Variants in RASSF9 observed in about 807,000 individuals in gnomAD.
The protein encoded by RASSF9 is Ras association domain family member 9, also known as ras association domain-containing protein 9.
Under a neutral mutation model 21.4 loss-of-function variants are expected in RASSF9, and 18 were observed. The ratio of observed to expected loss-of-function variants is 0.84; its 90% CI spans 0.58 to 1.25. RASSF9 has a LOEUF of 1.25. Among genes scored for constraint, RASSF9 ranks in the 50% most tolerant of loss-of-function variants. The pLI, the probability that RASSF9 is intolerant of heterozygous loss-of-function variation, is 0.00. For missense variants in RASSF9, 480 were observed against 503.2 expected (o/e 0.95, Z 0.44); for synonymous variants, 183 against 179.1 (o/e 1.02, Z -0.18).
At chr12:85,810,898 ATTG>A (rs1357540012) in intron 1 of RASSF9, among the ~76,000 whole-genome samples, 1 of 140,260 alleles carries the variant, frequency 7.1e-6, no homozygotes, top group East Asian at 1.9e-4. Context: ...CATGTGTAAA[ATTG>A]TTATTTGTTC....
At position 85,801,575 on chromosome 12, in the gene RASSF9, G is replaced by A. The variant is rs1879701180; in HGVS notation, c.*3127C>T. ...CGCCTGTAATCCCAGCACTTTGGGA[G>A]GCCAAGACGGGTGGATCACAAGGTC... On this transcript the variant is annotated 3_prime_UTR_variant, in exon 2 of 2. Transcript: ENST00000361228. The A allele has an allele frequency of 6.6e-6, 1 of 152,358 alleles. No homozygotes were observed. Among genetic ancestry groups the A allele is most frequent in the Non-Finnish European group, 1.5e-5 (1 of 68,160 alleles). The allele number at this position is 152,358 out of a possible 1,614,324, so 9.4% of individuals were successfully genotyped here.
chr12:85,813,883 A>AT (rs879842179), intron 1 of RASSF9, among the ~76,000 whole-genome samples: 2 of 152,048 alleles, frequency 1.3e-5, no homozygotes, highest in Non-Finnish European at 2.9e-5. Context: ...CTCTGAATGT[A>AT]TTTTTCCATA....
chr12:85,832,461 C>G (rs1324912774), intron 1 of RASSF9, among the ~76,000 whole-genome samples: 2 of 151,774 alleles, frequency 1.3e-5, no homozygotes, highest in Non-Finnish European at 3.0e-5. Flanking sequence ...GCTATTTAGA[C>G]ACATTAACAT....
intron 1 of RASSF9, among the ~76,000 whole-genome samples, chr12:85,835,271 C>A (rs897247869): frequency 2.0e-5 from 3 of 151,858 alleles, no homozygotes; most frequent in African/African-American, 7.3e-5. Context: ...ATCCCCTATG[C>A]CAAAATAAAT....
chr12:85,827,937 A>G (rs1880367014), intron 1 of RASSF9, among the ~76,000 whole-genome samples: 1 of 152,226 alleles, frequency 6.6e-6, no homozygotes, highest in Admixed American at 6.5e-5. Flanking sequence ...AACCTTGATT[A>G]TCTTTCTCAT....
chr12:85,805,307 A>G lies in RASSF9; in HGVS notation c.703T>C (p.Tyr235His), dbSNP rs770369089. 3 of 1,613,592 alleles carry G rather than the reference A, an allele frequency of 1.9e-6. No individual in the cohort carries two copies. The East Asian group carries it at 6.7e-5, about 36-fold the overall frequency. Residue 235 changes from tyrosine to histidine, a missense_variant, in exon 2 of 2, where the codon TAT (tyrosine) becomes CAT (histidine). Tyr to His is a moderately conservative substitution (Grantham distance 83). Transcript: ENST00000361228. ...NDGENYVQDA[Y>H]LMPSFSEVEQ... ...ACTTCACTGAAACTGGGCATTAAAT[A>G]TGCATCCTGAACATAGTTTTCTCCA... is the stretch of plus-strand genomic sequence containing the variant.
chr12:85,809,151 T>G (rs1453188342), intron 1 of RASSF9, among the ~76,000 whole-genome samples: 2 of 151,976 alleles, frequency 1.3e-5, no homozygotes, highest in Non-Finnish European at 2.9e-5. Flanking sequence ...ACACAGTGAG[T>G]GGTACAATGA....
chr12:85,804,699 G>A lies in RASSF9; in HGVS notation c.*3C>T, dbSNP rs372746320. 288 of 1,578,722 alleles carry A rather than the reference G, an allele frequency of 1.8e-4. No individual in the cohort carries two copies. The highest frequency in any genetic ancestry group is 2.4e-4 in the Non-Finnish European group (272 of 1,157,444). ...AAAGCAGGTCAGAAAGGAGCCATTG[G>A]AACTATGTTGACAACAGCACCACAT... On this transcript the variant is annotated 3_prime_UTR_variant, in exon 2 of 2. Transcript: ENST00000361228.
rs1565752680 is a variant in RASSF9, at chr12:85,810,803, C to G, written c.48-4841G>C. Among the ~76,000 whole-genome samples, 2 of 151,866 alleles carry G rather than the reference C, an allele frequency of 1.3e-5. 1 individual carries two copies. Among genetic ancestry groups the G allele is most frequent in the African/African-American group, 4.8e-5 (2 of 41,396 alleles). ...ATACCATGTAACAAACAGTTCTTAA[C>G]TAATGGATTCAAATCTAGTAGTTGA... On this transcript the variant is annotated intron_variant, in intron 1 of 1. Coordinates refer to ENST00000361228, the MANE Select transcript of RASSF9 (RefSeq NM_005447.4).
At chr12:85,828,799 A>G (rs1278871326) in intron 1 of RASSF9, among the ~76,000 whole-genome samples, 1 of 152,164 alleles carries the variant, frequency 6.6e-6, no homozygotes, top group African/African-American at 2.4e-5. Flanking sequence ...CACTATTAAC[A>G]AAGATGAAAC....
At position 85,804,520 on chromosome 12, in the gene RASSF9, G is replaced by A; in HGVS notation, c.*182C>T. The A allele has an allele frequency of 1.8e-6, 1 of 557,206 alleles. No individual in the cohort carries two copies. The allele number at this position is 557,206 out of a possible 1,614,324, so 34.5% of individuals were successfully genotyped here. A position where few individuals can be genotyped will look rare whatever the true frequency, so the allele number is the denominator to read the frequency against. On this transcript the variant is annotated 3_prime_UTR_variant, in exon 2 of 2. Coordinates refer to ENST00000361228, the MANE Select transcript of RASSF9 (RefSeq NM_005447.4). ...GATAAATAGTTCATTGCTTGAACTTGCAATAATTAAAGTTCCTTTGGAAAT... is the reference window on the plus strand; with the variant it reads ...GATAAATAGTTCATTGCTTGAACTTACAATAATTAAAGTTCCTTTGGAAAT...
intron 1 of RASSF9, among the ~76,000 whole-genome samples, chr12:85,831,607 G>T: frequency 6.6e-6 from 1 of 151,844 alleles, no homozygotes; most frequent in Non-Finnish European, 1.5e-5. Flanking sequence ...TCACTTTCAG[G>T]AACTCCTGAG....
At chr12:85,818,956 CAAAAAAA>C (rs60760019) in intron 1 of RASSF9, among the ~76,000 whole-genome samples, 1,060 of 66,604 alleles carry the variant, frequency 0.016, 14 homozygotes, top group African/African-American at 0.059. Context: ...GAGACTCCGT[CAAAAAAA>C]AAAAAAAAAA....
At position 85,804,504 on chromosome 12, in the gene RASSF9, T is replaced by C; in HGVS notation, c.*198A>G. The stretch of plus-strand genomic sequence containing the variant: ...TTTGTGCTGCATTCGTGATAAATAG[T>C]TCATTGCTTGAACTTGCAATAATTA... On this transcript the variant is annotated 3_prime_UTR_variant, in exon 2 of 2. Transcript: ENST00000361228. 1 of 517,702 alleles carries C rather than the reference T, an allele frequency of 1.9e-6. No individual in the cohort carries two copies. Among genetic ancestry groups the C allele is most frequent in the Non-Finnish European group, 3.3e-6 (1 of 305,610 alleles). 32.1% of individuals were successfully genotyped at this position (517,702 alleles called of 1,614,324 possible). A position where few individuals can be genotyped will look rare whatever the true frequency, so the allele number is the denominator to read the frequency against.
At chr12:85,824,411 C>A (rs1398384346) in intron 1 of RASSF9, among the ~76,000 whole-genome samples, 2 of 152,118 alleles carry the variant, frequency 1.3e-5, no homozygotes, top group African/African-American at 4.8e-5. Flanking sequence ...ATATTCATCA[C>A]CCCTACCACA....
At chr12:85,806,389 T>C (rs1256618709) in intron 1 of RASSF9, among the ~76,000 whole-genome samples, 6 of 148,054 alleles carry the variant, frequency 4.1e-5, no homozygotes, top group Non-Finnish European at 9.0e-5. Flanking sequence ...AGTCAGAAGA[T>C]TGGCCGGGTG....
chr12:85,811,617 C>G (rs1879955137), intron 1 of RASSF9, among the ~76,000 whole-genome samples: 1 of 151,848 alleles, frequency 6.6e-6, no homozygotes, highest in Admixed American at 6.6e-5. Context: ...AACTTGATAA[C>G]TGTTATCTTC....
rs1349026761 is a variant in RASSF9, at chr12:85,803,508, A to T, written c.*1194T>A. 2 of 152,162 alleles carry T rather than the reference A, an allele frequency of 1.3e-5. No homozygotes were observed. The highest frequency in any genetic ancestry group is 2.9e-5 in the Non-Finnish European group (2 of 68,018). 9.4% of individuals were successfully genotyped at this position (152,162 alleles called of 1,614,324 possible). On this transcript the variant is annotated 3_prime_UTR_variant, in exon 2 of 2. Coordinates refer to ENST00000361228, the MANE Select transcript of RASSF9 (RefSeq NM_005447.4). ...GGGAGAAGGAGAGATGAAGGCAGGA[A>T]AAGAGAGGAAGTAAGGCAGACAGGA...
chr12:85,810,747 A>G (rs74566003), intron 1 of RASSF9, among the ~76,000 whole-genome samples: 4,061 of 151,996 alleles, frequency 0.027, 208 homozygotes, highest in African/African-American at 0.092. Flanking sequence ...AAACATACAA[A>G]TTTAGACTAG....
Sources: gnomAD v4.1 joint callset for allele counts (sites outside exome capture counted in the v4.1 genomes callset) on GRCh38, gnomAD v4.1.1 for gene constraint, MANE v1.5 for transcripts, NCBI Gene and HGNC (gene_info 2026-07-23, HGNC 2026-07-21) for gene names.